Variants in AUTS2 observed in about 807,000 individuals in gnomAD.
The protein encoded by AUTS2 is autism susceptibility gene 2 protein.
A neutral mutation model predicts 112.4 loss-of-function variants in AUTS2; 17 were observed. That is an observed-to-expected ratio of 0.15 (90% CI 0.10 to 0.23). The LOEUF is 0.23. Ranked by LOEUF, AUTS2 falls within the 10% of genes least tolerant of loss-of-function variation. The pLI is 1.00. For missense variants in AUTS2, 1,510 were observed against 1,701.6 expected, an observed-to-expected ratio of 0.89 and a Z score of 1.98; for synonymous variants, 751 against 702.7, an observed-to-expected ratio of 1.07 and a Z score of -1.09.
At chr7:69,759,604 C>T (rs1057497609) in intron 1 of AUTS2, among the ~76,000 whole-genome samples, 2 of 152,154 alleles carry the variant, frequency 1.3e-5, no homozygotes, top group Admixed American at 6.5e-5. Context: ...AACGCCTGGA[C>T]GTCACCCCTG....
At chr7:70,297,877 A>G (rs1789018108) in intron 4 of AUTS2, among the ~76,000 whole-genome samples, 1 of 152,186 alleles carries the variant, frequency 6.6e-6, no homozygotes, top group South Asian at 2.1e-4. Flanking sequence ...TCTTGTCTAG[A>G]GTACTACAAA....
intron 4 of AUTS2, among the ~76,000 whole-genome samples, chr7:70,153,993 C>T (rs1251400002): frequency 1.3e-5 from 2 of 152,178 alleles, no homozygotes; most frequent in Non-Finnish European, 2.9e-5. Flanking sequence ...CCACTGCTGT[C>T]CTCTGTTAAT....
chr7:69,871,428 A>G (rs188753267), intron 1 of AUTS2, among the ~76,000 whole-genome samples: 4 of 152,318 alleles, frequency 2.6e-5, no homozygotes, highest in Admixed American at 2.6e-4. Context: ...GATGCCGGAA[A>G]CCACAGATAG....
intron 5 of AUTS2, among the ~76,000 whole-genome samples, chr7:70,580,653 G>C (rs1208601833): frequency 6.6e-6 from 1 of 152,160 alleles, no homozygotes; most frequent in Non-Finnish European, 1.5e-5. Context: ...AGAATTGCTT[G>C]GGTGTGCAGG....
intron 4 of AUTS2, among the ~76,000 whole-genome samples, chr7:70,145,949 A>G (rs947644979): frequency 2.0e-5 from 3 of 152,142 alleles, no homozygotes; most frequent in Non-Finnish European, 4.4e-5. Flanking sequence ...TCAAGGTGCC[A>G]ATTATTTCCT....
chr7:70,245,169 T>TATATATATATATATATATATATATAA (rs1317610996), intron 4 of AUTS2, among the ~76,000 whole-genome samples: 1 of 118,628 alleles, frequency 8.4e-6, no homozygotes, highest in African/African-American at 3.3e-5. Flanking sequence ...TATATATATA[T>TATATATATATATATATATATATATAA]AAAAAATAAA....
chr7:70,606,969 A>G (rs1031044980), intron 5 of AUTS2, among the ~76,000 whole-genome samples: 1 of 152,108 alleles, frequency 6.6e-6, no homozygotes, highest in African/African-American at 2.4e-5. Flanking sequence ...GGAGACAGCT[A>G]GGTGTGGAGA....
At chr7:70,323,327 A>G (rs1162263842) in intron 4 of AUTS2, among the ~76,000 whole-genome samples, 2 of 152,184 alleles carry the variant, frequency 1.3e-5, no homozygotes, top group African/African-American at 2.4e-5. Context: ...GAAAGAAATA[A>G]TATCTATTGG....
chr7:70,553,724 T>A (rs1801110290), intron 5 of AUTS2, among the ~76,000 whole-genome samples: 1 of 150,880 alleles, frequency 6.6e-6, no homozygotes, highest in African/African-American at 2.4e-5. Context: ...ACTTTAAAGG[T>A]TGTATTGGGA....
rs570964384 is a variant in AUTS2 at position 70,080,040 on chromosome 7, A to G, written c.523-38092A>G. 3.9e-5 allele frequency among the ~76,000 whole-genome samples: 6 copies of G among 152,222 alleles called. 1 individual carries two copies. The South Asian group carries it at 1.2e-3, about 32-fold the overall frequency. Reference sequence around the variant, plus strand: ...ACCTAAACATTTCCCATTATGTTCCATCTCCCAACACTGTTGCACTTGGGG... The same window carrying G: ...ACCTAAACATTTCCCATTATGTTCCGTCTCCCAACACTGTTGCACTTGGGG... On this transcript the variant is annotated intron_variant, in intron 2 of 18. Transcript: ENST00000342771.
intron 1 of AUTS2, among the ~76,000 whole-genome samples, chr7:69,604,947 A>T (rs1205092950): frequency 6.6e-6 from 1 of 152,384 alleles, no homozygotes; most frequent in East Asian, 1.9e-4. Context: ...AAACAGAGTG[A>T]TCTACCGCCA....
rs531746341 is a variant in AUTS2 at position 69,693,885 on chromosome 7, C to T, written c.309+93923C>T. On this transcript the variant is annotated intron_variant, in intron 1 of 18. Coordinates refer to ENST00000342771, the MANE Select transcript of AUTS2 (RefSeq NM_015570.4). ...TGTTAGATATGCAAATTCATGAGAT[C>T]CCCATTCCCTTATCAGAAATTTTAA... 2.6e-5 allele frequency among the ~76,000 whole-genome samples: 4 copies of T among 152,292 alleles called. No homozygotes were observed. The South Asian group carries it at 8.3e-4, about 32-fold the overall frequency.
chr7:70,608,170 C>G (rs1187088859), intron 5 of AUTS2, among the ~76,000 whole-genome samples: 1 of 152,138 alleles, frequency 6.6e-6, no homozygotes, highest in Non-Finnish European at 1.5e-5. Context: ...ATGGCACAGT[C>G]ATAGTTCACG....
rs371183106 is a variant in AUTS2 at position 70,702,818 on chromosome 7, C to T, written c.742+4198C>T. Among the ~76,000 whole-genome samples the T allele has an allele frequency of 1.2e-4, 18 of 152,316 alleles. 1 individual carries two copies. In the East Asian group the frequency reaches 2.1e-3, roughly 18 times the overall value. ...GCCCTCTCTGACCAGGACTGCTTTT[C>T]CTCTCCCGGGCCCTACCAGGCCTAT... On this transcript the variant is annotated intron_variant, in intron 6 of 18. Coordinates refer to ENST00000342771, the MANE Select transcript of AUTS2 (RefSeq NM_015570.4).
At chr7:70,585,696 G>A (rs1473421170) in intron 5 of AUTS2, among the ~76,000 whole-genome samples, 1 of 152,056 alleles carries the variant, frequency 6.6e-6, no homozygotes, top group Non-Finnish European at 1.5e-5. Context: ...TGAATTCTAC[G>A]GGATGATCAC....
Position 69,812,672 on chromosome 7 carries a change from G to T in AUTS2, c.310-86614G>T, listed in dbSNP as rs534639135. 1.7e-4 allele frequency among the ~76,000 whole-genome samples: 25 copies of T among 151,482 alleles called. 1 individual carries two copies. Among genetic ancestry groups the T allele is most frequent in the East Asian group, 1.6e-3 (8 of 5,142 alleles). On this transcript the variant is annotated intron_variant, in intron 1 of 18. Coordinates refer to ENST00000342771, the MANE Select transcript of AUTS2 (RefSeq NM_015570.4). ...TGCTGGTCATTTAAGTCTCTATCTG[G>T]TTTTTTTTTCTTTTAACTTGAGGGC...
intron 1 of AUTS2, among the ~76,000 whole-genome samples, chr7:69,636,205 TA>T (rs1173924571): frequency 6.6e-6 from 1 of 152,252 alleles, no homozygotes; most frequent in East Asian, 1.9e-4. Flanking sequence ...AAGACATAGA[TA>T]AGCAAGGAAG....
At chr7:70,649,500 TTTTATTTATTTATTTA>T (rs80256360) in intron 5 of AUTS2, among the ~76,000 whole-genome samples, 226 of 143,870 alleles carry the variant, frequency 1.6e-3, no homozygotes, top group African/African-American at 5.1e-3. Flanking sequence ...TGGTGATTTA[TTTTATTTATTTATTTA>T]TTTATTTATT....
At position 69,900,839 on chromosome 7, in the gene AUTS2, C is replaced by T. The variant is rs556995686; in HGVS notation, c.522+1341C>T. Among the ~76,000 whole-genome samples, 21 of 152,276 alleles carry T rather than the reference C, an allele frequency of 1.4e-4. No homozygotes were observed. The South Asian group carries it at 1.9e-3, about 14-fold the overall frequency. ...CCAAAGGTACACTTGTGTCCTGAAA[C>T]GCCAGACTGGAGTTATAATAGTAAT... is the stretch of plus-strand genomic sequence containing the variant. On this transcript the variant is annotated intron_variant, in intron 2 of 18. Coordinates refer to ENST00000342771, the MANE Select transcript of AUTS2 (RefSeq NM_015570.4).
Sources: allele counts gnomAD v4.1 joint callset (sites outside exome capture counted in the v4.1 genomes callset), GRCh38; gene constraint gnomAD v4.1.1; transcripts MANE v1.5; gene names NCBI Gene and HGNC (gene_info 2026-07-23, HGNC 2026-07-21).